The following SSR3 variants were observed in gnomAD, a reference collection of about 807,000 sequenced individuals.
The protein encoded by SSR3 is signal sequence receptor subunit 3.
In SSR3, 10 loss-of-function variants were observed where a neutral mutation model predicts 22.1. That is an observed-to-expected ratio of 0.45 (90% CI 0.28 to 0.77). The LOEUF is 0.77. Ranked by LOEUF, SSR3 falls within the 30% of genes least tolerant of loss-of-function variation. The pLI, the probability that SSR3 is intolerant of heterozygous loss-of-function variation, is 0.13. For synonymous variants in SSR3, 104 were observed against 82.5 expected (o/e 1.26, Z -1.42); for missense variants, 181 against 220.5 (o/e 0.82, Z 1.13).
At chr3:156,548,008 C>T (rs954718868) in intron 3 of SSR3, among the ~76,000 whole-genome samples, 3 of 152,272 alleles carry the variant, frequency 2.0e-5, no homozygotes, top group African/African-American at 7.2e-5. Context: ...TTTAAGAAAA[C>T]CGTATTAAAT....
intron 3 of SSR3, among the ~76,000 whole-genome samples, chr3:156,548,071 G>A (rs1719824407): frequency 6.6e-6 from 1 of 152,174 alleles, no homozygotes; most frequent in Admixed American, 6.5e-5. Context: ...CAAAGTTCTG[G>A]AGCAAAGTGG....
Position 156,545,400 on chromosome 3 carries a change from T to TA in SSR3, c.360-962dup, listed in dbSNP as rs550945083. On this transcript the variant is annotated intron_variant, in intron 3 of 4. Transcript: ENST00000265044. The stretch of plus-strand genomic sequence containing the variant: ...GTCAAAAGGTAAAATACATATTTTT[T>TA]ACTGTAGGTCATTATCAAAAAGGTT... Among the ~76,000 whole-genome samples, 13 of 152,334 alleles carry TA rather than the reference T, an allele frequency of 8.5e-5. No homozygotes were observed. In the South Asian group the frequency reaches 2.7e-3, roughly 32 times the overall value.
intron 2 of SSR3, chr3:156,549,217 C>T (rs920159397): frequency 7.8e-5 from 33 of 422,594 alleles, no homozygotes; most frequent in South Asian, 4.1e-4. Context: ...TTATTAGTGA[C>T]GTGTTTTGAT....
rs530283526 is a variant in SSR3 at position 156,541,880 on chromosome 3, G to C, written c.*1323C>G. ...TGTTTTTCTTCCAAGTTCTTGCATG[G>C]AGCCCAACACATCCGATAGCATGGA... On this transcript the variant is annotated 3_prime_UTR_variant, in exon 5 of 5. Transcript: ENST00000265044. The C allele has an allele frequency of 1.3e-5, 2 of 152,166 alleles. No individual in the cohort carries two copies. The highest frequency in any genetic ancestry group is 3.8e-4 in the East Asian group (2 of 5,206). The allele number at this position is 152,166 out of a possible 1,614,324, so 9.4% of individuals were successfully genotyped here. A position where few individuals can be genotyped will look rare whatever the true frequency, so the allele number is the denominator to read the frequency against.
Position 156,555,113 on chromosome 3 carries a change from G to A in SSR3, c.-24C>T, listed in dbSNP as rs376402030. 87 of 1,610,088 alleles carry A rather than the reference G, an allele frequency of 5.4e-5. No individual in the cohort carries two copies. Among genetic ancestry groups the A allele is most frequent in the Non-Finnish European group, 7.0e-5 (82 of 1,178,842 alleles). ...ATGGCGGAGCTGCAGGCGAGAACAG[G>A]GAACGTAGAGCCGGCCGCCAAGGCG... On this transcript the variant is annotated 5_prime_UTR_variant, in exon 1 of 5. Coordinates refer to ENST00000265044, the MANE Select transcript of SSR3 (RefSeq NM_007107.5).
At position 156,549,063 on chromosome 3, in the gene SSR3, C is replaced by A. The variant is rs1290891470; in HGVS notation, c.261-60G>T. The stretch of plus-strand genomic sequence containing the variant: ...ATGCTACAGAGGTGAACATCACACT[C>A]TCTCAGAAACACACCGTACTCATAT... On this transcript the variant is annotated intron_variant, in intron 2 of 4. Transcript: ENST00000265044. 2.7e-6 allele frequency: 4 copies of A among 1,501,362 alleles called. No individual in the cohort carries two copies. In the African/African-American group the frequency reaches 4.2e-5, roughly 16 times the overall value. 93.0% of individuals were successfully genotyped at this position (1,501,362 alleles called of 1,614,324 possible).
At chr3:156,549,075 C>T (rs1719860731) in intron 2 of SSR3, 72 bp from the exon 3 acceptor site, 12 of 1,425,694 alleles carry the variant, frequency 8.4e-6, no homozygotes, top group Non-Finnish European at 1.1e-5. Context: ...CTCAGAAACA[C>T]ACCGTACTCA....
Position 156,540,062 on chromosome 3 carries a change from AG to A in SSR3, c.*3140del, listed in dbSNP as rs1220578686. 5.9e-5 allele frequency: 9 copies of A among 152,362 alleles called. No homozygotes were observed. Among genetic ancestry groups the A allele is most frequent in the African/African-American group, 2.2e-4 (9 of 41,580 alleles). 9.4% of individuals were successfully genotyped at this position (152,362 alleles called of 1,614,324 possible). ...AAAAAATAAAACAATTTGAAAAAAA[AG>A]ATGGTTAATGTAAAATAATATAATA... On this transcript the variant is annotated 3_prime_UTR_variant, in exon 5 of 5. Coordinates refer to ENST00000265044, the MANE Select transcript of SSR3 (RefSeq NM_007107.5).
chr3:156,547,895 G>A (rs1577000945), intron 3 of SSR3, among the ~76,000 whole-genome samples: 1 of 152,158 alleles, frequency 6.6e-6, no homozygotes, highest in Admixed American at 6.5e-5. Context: ...TAAGTTCAGT[G>A]CTCAGTTGCT....
In SSR3 at chr3:156,542,258, TAA is replaced by T. The variant is rs1230574894; in HGVS notation, c.*943_*944del. On this transcript the variant is annotated 3_prime_UTR_variant, in exon 5 of 5. Coordinates refer to ENST00000265044, the MANE Select transcript of SSR3 (RefSeq NM_007107.5). ...TCACAATCAATGGGAACCTGTGAAC[TAA>T]AGAGTCAAATGTATGAAAGTCCTCA... The T allele has an allele frequency of 1.3e-5, 2 of 152,230 alleles. No homozygotes were observed. Among genetic ancestry groups the T allele is most frequent in the African/African-American group, 4.8e-5 (2 of 41,460 alleles). 9.4% of individuals were successfully genotyped at this position (152,230 alleles called of 1,614,324 possible).
chr3:156,543,080 G>A lies in SSR3; in HGVS notation c.*123C>T. The A allele has an allele frequency of 3.2e-6, 2 of 628,566 alleles. No homozygotes were observed. The highest frequency in any genetic ancestry group is 5.3e-6 in the Non-Finnish European group (2 of 377,886). 38.9% of individuals were successfully genotyped at this position (628,566 alleles called of 1,614,324 possible). ...AACAAATACTGAATTACATTCTGCT[G>A]GGTTTTTTAAAGGCTCTAGACTATA... On this transcript the variant is annotated 3_prime_UTR_variant, in exon 5 of 5. Coordinates refer to ENST00000265044, the MANE Select transcript of SSR3 (RefSeq NM_007107.5).
At chr3:156,554,854 C>G (rs1478959745) in intron 1 of SSR3, 103 bp downstream of exon 1, 1 of 1,458,136 alleles carries the variant, frequency 6.9e-7, no homozygotes, top group Non-Finnish European at 9.2e-7. Flanking sequence ...TTGCCGACCC[C>G]CGGCCGGCAC....
In SSR3 at chr3:156,553,743, A is replaced by G. The variant is rs1340747029; in HGVS notation, c.172T>C (p.Ser58Pro). The G allele has an allele frequency of 1.9e-6, 3 of 1,613,054 alleles. No individual in the cohort carries two copies. The Admixed American group carries it at 5.0e-5, about 27-fold the overall frequency. ...WRIWHMDLIQ[S>P]AVLYSVMTLV... is the part of the protein sequence containing the mutation. Reference sequence around the variant, plus strand: ...GTCATCACACTATACAAAACAGCAGACTGAATAAGATCCATATGCCATATT... The same window carrying G: ...GTCATCACACTATACAAAACAGCAGGCTGAATAAGATCCATATGCCATATT... The change falls in exon 2 of 5, where the codon TCT becomes CCT. Residue 58 changes from serine to proline, a missense_variant. Coordinates refer to ENST00000265044, the MANE Select transcript of SSR3 (RefSeq NM_007107.5).
intron 3 of SSR3, 121 bp downstream of exon 3, chr3:156,548,784 T>C: frequency 8.1e-7 from 1 of 1,229,696 alleles, no homozygotes; most frequent in Non-Finnish European, 1.1e-6. Context: ...TTACTACTAC[T>C]ACTACAATTC....
At chr3:156,546,611 C>G (rs1261215836) in intron 3 of SSR3, among the ~76,000 whole-genome samples, 1 of 152,076 alleles carries the variant, frequency 6.6e-6, no homozygotes, top group Non-Finnish European at 1.5e-5. Context: ...AATTTAGGAC[C>G]CCCAAATGCC....
chr3:156,547,557 G>A (rs537097357), intron 3 of SSR3, among the ~76,000 whole-genome samples: 2 of 152,140 alleles, frequency 1.3e-5, no homozygotes, highest in African/African-American at 4.8e-5. Context: ...CAAAAAACAA[G>A]CAATTGGAAA....
chr3:156,554,350 C>G (rs1371077718), intron 1 of SSR3, among the ~76,000 whole-genome samples: 1 of 152,198 alleles, frequency 6.6e-6, no homozygotes, highest in Non-Finnish European at 1.5e-5. Flanking sequence ...TAAAAACGAC[C>G]TTGTCCAAGT....
chr3:156,547,097 G>A (rs1265309090), intron 3 of SSR3, among the ~76,000 whole-genome samples: 21 of 152,110 alleles, frequency 1.4e-4, no homozygotes, highest in Admixed American at 1.4e-3. Flanking sequence ...GGCTTTTATG[G>A]TGGAAATAAA....
At chr3:156,553,265 T>C (rs1262810368) in intron 2 of SSR3, among the ~76,000 whole-genome samples, 1 of 152,046 alleles carries the variant, frequency 6.6e-6, no homozygotes, top group African/African-American at 2.4e-5. Context: ...CAAAAAATAA[T>C]AATGACAAAA....
Sources: gnomAD v4.1 joint callset for allele counts (sites outside exome capture counted in the v4.1 genomes callset) on GRCh38, gnomAD v4.1.1 for gene constraint, MANE v1.5 for transcripts, NCBI Gene and HGNC (gene_info 2026-07-23, HGNC 2026-07-21) for gene names.